The following INSYN2B variants were observed in gnomAD, a reference collection of about 807,000 sequenced individuals.
INSYN2B encodes inhibitory synaptic factor family member 2B, also known as protein INSYN2B.
In INSYN2B, 16 loss-of-function variants were observed where a neutral mutation model predicts 41.2. The observed-to-expected ratio is 0.39, with a 90% confidence interval of 0.26 to 0.59. The LOEUF is 0.59. INSYN2B is among the 20% of genes least tolerant of loss of function. The pLI is 0.57. For missense variants in INSYN2B, 608 were observed against 646.4 expected (o/e 0.94, Z 0.64); for synonymous variants, 245 against 244.4 (o/e 1.00, Z -0.02).
At position 169,891,290 on chromosome 5, in the gene INSYN2B, C is replaced by G. The variant is rs187668725; in HGVS notation, c.-918-6474G>C. 4.4e-3 allele frequency among the ~76,000 whole-genome samples: 667 copies of G among 152,280 alleles called. 7 individuals are homozygous for G. Among genetic ancestry groups the G allele is most frequent in the African/African-American group, 0.015 (624 of 41,566 alleles). On this transcript the variant is annotated intron_variant, in intron 1 of 3. Coordinates refer to ENST00000377365, the MANE Select transcript of INSYN2B (RefSeq NM_001129891.3). ...GTCCCTCTGTGCAGCAAAACCCTGT[C>G]CTATTAGCTTATTTGTGTATTATCT...
rs183797241 is a variant in INSYN2B at position 169,940,971 on chromosome 5, C to T, written c.-919+39306G>A. Among the ~76,000 whole-genome samples the T allele has an allele frequency of 1.1e-4, 16 of 152,222 alleles. No individual in the cohort carries two copies. The East Asian group carries it at 2.9e-3, about 28-fold the overall frequency. ...GCCGATAGTGCCATGGCTGAGAGAC[C>T]CTGTTCCATACTAATTCTTAGATAA... On this transcript the variant is annotated intron_variant, in intron 1 of 3. Transcript: ENST00000377365.
intron 1 of INSYN2B, among the ~76,000 whole-genome samples, chr5:169,927,755 T>C (rs1374887518): frequency 6.6e-6 from 1 of 152,220 alleles, no homozygotes; most frequent in Non-Finnish European, 1.5e-5. Flanking sequence ...TAGCTGGGAC[T>C]ACAGGCGCCC....
chr5:169,936,305 AG>A (rs948626395), intron 1 of INSYN2B, among the ~76,000 whole-genome samples: 2 of 152,222 alleles, frequency 1.3e-5, no homozygotes, highest in African/African-American at 4.8e-5. Context: ...GCTAGGCTGC[AG>A]CAAGGGCAGT....
intron 1 of INSYN2B, among the ~76,000 whole-genome samples, chr5:169,977,188 C>T (rs1777746208): frequency 6.6e-6 from 1 of 152,212 alleles, no homozygotes; most frequent in Non-Finnish European, 1.5e-5. Flanking sequence ...TCCCAGCATG[C>T]TCTGTTCCAA....
chr5:169,891,658 G>A (rs1186755061), intron 1 of INSYN2B, among the ~76,000 whole-genome samples: 10 of 152,048 alleles, frequency 6.6e-5, no homozygotes, highest in Admixed American at 6.6e-4. Context: ...CTAAGACTCT[G>A]AGCAGCTGTC....
intron 3 of INSYN2B, 102 bp from the exon 4 acceptor site, chr5:169,864,561 G>T (rs1202747823): frequency 2.1e-6 from 2 of 959,444 alleles, no homozygotes; most frequent in African/African-American, 3.3e-5. Context: ...TGAGCTTTGG[G>T]ATCAAATCCT....
chr5:169,912,858 A>G (rs921700811), intron 1 of INSYN2B, among the ~76,000 whole-genome samples: 2 of 151,938 alleles, frequency 1.3e-5, no homozygotes, highest in African/African-American at 4.8e-5. Flanking sequence ...TTTTCAATCA[A>G]CTCATTTGAA....
chr5:169,962,273 G>A (rs1175284010), intron 1 of INSYN2B, among the ~76,000 whole-genome samples: 2 of 152,134 alleles, frequency 1.3e-5, no homozygotes, highest in Admixed American at 1.3e-4. Flanking sequence ...GACCTGGGGT[G>A]GAGAGAAAAG....
At chr5:169,978,375 A>ATGTGTG (rs70979152) in intron 1 of INSYN2B, among the ~76,000 whole-genome samples, 8 of 25,774 alleles carry the variant, frequency 3.1e-4, no homozygotes, top group African/African-American at 1.1e-3. Context: ...GGCTCTGTGT[A>ATGTGTG]TGTGTGTGTG....
At chr5:169,956,648 A>C (rs746759278) in intron 1 of INSYN2B, among the ~76,000 whole-genome samples, 2 of 152,216 alleles carry the variant, frequency 1.3e-5, no homozygotes, top group African/African-American at 2.4e-5. Flanking sequence ...AATCTTGCTT[A>C]AAATGCATTG....
At chr5:169,928,169 T>C (rs1316797742) in intron 1 of INSYN2B, among the ~76,000 whole-genome samples, 3 of 152,174 alleles carry the variant, frequency 2.0e-5, no homozygotes, top group Non-Finnish European at 2.9e-5. Flanking sequence ...AGCCACCTCA[T>C]TGACTTGCCC....
intron 1 of INSYN2B, among the ~76,000 whole-genome samples, chr5:169,905,925 C>A (rs1774250306): frequency 6.6e-6 from 1 of 152,206 alleles, no homozygotes; most frequent in African/African-American, 2.4e-5. Context: ...CTGTCTTGAA[C>A]CTGACTGTAT....
intron 1 of INSYN2B, among the ~76,000 whole-genome samples, chr5:169,908,028 T>C (rs1196947809): frequency 6.6e-6 from 1 of 152,222 alleles, no homozygotes; most frequent in African/African-American, 2.4e-5. Context: ...TGCCTTCATC[T>C]AGAAGCTGTG....
At chr5:169,974,727 C>T (rs1777651255) in intron 1 of INSYN2B, among the ~76,000 whole-genome samples, 1 of 152,132 alleles carries the variant, frequency 6.6e-6, no homozygotes, top group East Asian at 1.9e-4. Flanking sequence ...CTGCACAGCC[C>T]TTCCTGAGAT....
chr5:169,906,951 T>C (rs1774315486), intron 1 of INSYN2B, among the ~76,000 whole-genome samples: 2 of 152,098 alleles, frequency 1.3e-5, no homozygotes, highest in Non-Finnish European at 2.9e-5. Flanking sequence ...TCAATAAATA[T>C]TTATTGAGTT....
intron 1 of INSYN2B, among the ~76,000 whole-genome samples, chr5:169,887,028 A>G (rs142933227): frequency 5.6e-4 from 85 of 152,330 alleles, no homozygotes; most frequent in Middle Eastern, 3.4e-3. Context: ...AGATGAATAT[A>G]TTTATACCAA....
intron 1 of INSYN2B, among the ~76,000 whole-genome samples, chr5:169,889,574 G>A (rs1773167668): frequency 6.6e-6 from 1 of 152,202 alleles, no homozygotes; most frequent in Non-Finnish European, 1.5e-5. Flanking sequence ...TTACATAACA[G>A]GGTGCTTTAC....
At chr5:169,971,711 A>T (rs1423194875) in intron 1 of INSYN2B, among the ~76,000 whole-genome samples, 1 of 152,246 alleles carries the variant, frequency 6.6e-6, no homozygotes, top group East Asian at 1.9e-4. Flanking sequence ...CCTCGTCAGC[A>T]GAGCTGGCCT....
chr5:169,930,607 A>G (rs1335339282), intron 1 of INSYN2B, among the ~76,000 whole-genome samples: 1 of 152,254 alleles, frequency 6.6e-6, no homozygotes, highest in African/African-American at 2.4e-5. Flanking sequence ...CTGCCAAATC[A>G]ATTTGTGCAA....
Sources: gnomAD v4.1 joint callset for allele counts (sites outside exome capture counted in the v4.1 genomes callset) on GRCh38, gnomAD v4.1.1 for gene constraint, MANE v1.5 for transcripts, NCBI Gene and HGNC (gene_info 2026-07-23, HGNC 2026-07-21) for gene names.